NUP160: variants seen among roughly 807,000 people sequenced by gnomAD.
NUP160 encodes nuclear pore complex protein Nup160.
NUP160 carries 94 observed loss-of-function variants against 196.9 expected under a neutral mutation model. That is an observed-to-expected ratio of 0.48 (90% CI 0.40 to 0.57). The LOEUF is 0.57. Ranked by LOEUF, NUP160 falls within the 20% of genes least tolerant of loss-of-function variation. The probability of loss-of-function intolerance (pLI) is 0.00; values close to 1 mark genes in which losing one functional copy is unlikely to be tolerated. For synonymous variants in NUP160, 605 were observed against 619.7 expected (o/e 0.98, Z 0.35); for missense variants, 1,638 against 1,748.3 (o/e 0.94, Z 1.13).
rs1251204182 is a variant in NUP160, at chr11:47,782,304, ATAT to A, written c.4116+766_4116+768del. ...AAAACTCAGTTAAAAAAAAAAAAAA[ATAT>A]ATATATATATATATATATATATATA... On this transcript the variant is annotated intron_variant, in intron 34 of 35. Coordinates refer to ENST00000378460, the Ensembl canonical transcript of NUP160. 7.9e-4 allele frequency among the ~76,000 whole-genome samples: 41 copies of A among 52,122 alleles called. 1 individual carries two copies. Among genetic ancestry groups the A allele is most frequent in the African/African-American group, 1.3e-3 (17 of 13,592 alleles). The allele number at this position is 52,122 out of a possible 152,430, so 34.2% of individuals were successfully genotyped here.
At chr11:47,789,177 T>C (rs761330689) in intron 29 of NUP160, among the ~76,000 whole-genome samples, 3 of 152,152 alleles carry the variant, frequency 2.0e-5, no homozygotes, top group African/African-American at 7.2e-5. Context: ...GTGCCCAGCC[T>C]AAAAAATTTT....
At chr11:47,781,434 T>G (rs1260901084) in intron 34 of NUP160, among the ~76,000 whole-genome samples, 2 of 151,966 alleles carry the variant, frequency 1.3e-5, no homozygotes, top group Non-Finnish European at 2.9e-5. Flanking sequence ...AGCTAATTTT[T>G]TTCTATTTTT....
intron 33 of NUP160, 81 bp from the exon 34 acceptor site, chr11:47,783,279 T>A: frequency 6.7e-7 from 1 of 1,496,246 alleles, no homozygotes; most frequent in Non-Finnish European, 9.0e-7. Flanking sequence ...AGTGGCTGAT[T>A]CCCTAACATT....
intron 18 of NUP160, 28 bp from the exon 19 acceptor site, chr11:47,807,168 A>T: frequency 5.6e-6 from 8 of 1,416,958 alleles, no homozygotes; most frequent in Non-Finnish European, 8.0e-6. Flanking sequence ...AAGACAGCTT[A>T]GTAAATTCTC....
At chr11:47,797,931 G>A (rs2097671796) in intron 26 of NUP160, 47 bp from the exon 27 acceptor site, 2 of 1,554,432 alleles carry the variant, frequency 1.3e-6, no homozygotes, top group Admixed American at 1.7e-5. Flanking sequence ...AGCAATCATG[G>A]CAACCACCAT....
exon 30 of NUP160, chr11:47,788,529 C>T: frequency 6.2e-7 from 1 of 1,613,832 alleles, no homozygotes; most frequent in African/African-American, 1.3e-5. Flanking sequence ...ATGGATCATG[C>T]TGAGCCAAAG....
intron 20 of NUP160, among the ~76,000 whole-genome samples, chr11:47,805,461 T>TTTC (rs1444621846): frequency 1.3e-5 from 2 of 151,320 alleles, no homozygotes; most frequent in South Asian, 2.1e-4. Flanking sequence ...TTTTTTTTTT[T>TTTC]TGAGACGGAG....
intron 7 of NUP160, among the ~76,000 whole-genome samples, chr11:47,829,158 A>G (rs898381927): frequency 1.3e-5 from 2 of 148,228 alleles, no homozygotes; most frequent in African/African-American, 2.6e-5. Flanking sequence ...GTGAAAAGAC[A>G]GCTCACGTGG....
intron 7 of NUP160, among the ~76,000 whole-genome samples, chr11:47,824,039 A>ATG (rs1565203462): frequency 1.1e-3 from 140 of 128,124 alleles, no homozygotes; most frequent in African/African-American, 3.8e-3. Context: ...ATATATATAT[A>ATG]TATATATATA....
chr11:47,780,789 G>T (rs1325100848), intron 34 of NUP160, among the ~76,000 whole-genome samples: 5 of 151,824 alleles, frequency 3.3e-5, no homozygotes, highest in Non-Finnish European at 5.9e-5. Context: ...TGATCCACCT[G>T]CCTTGGCCTC....
exon 27 of NUP160, chr11:47,797,862 C>T (rs748714186): frequency 5.6e-6 from 9 of 1,611,988 alleles, no homozygotes; most frequent in African/African-American, 2.7e-5. Flanking sequence ...AGCTCTAGCA[C>T]GTGACTCAAT....
At chr11:47,803,351 A>G (rs2097675495) in intron 22 of NUP160, 87 bp downstream of exon 22, 1 of 782,916 alleles carries the variant, frequency 1.3e-6, no homozygotes, top group Admixed American at 1.9e-5. Flanking sequence ...TATGTCTCCC[A>G]TCCCCTAAAA....
At chr11:47,816,709 G>C (rs1023340150) in intron 11 of NUP160, among the ~76,000 whole-genome samples, 5 of 151,610 alleles carry the variant, frequency 3.3e-5, no homozygotes, top group African/African-American at 1.2e-4. Flanking sequence ...CCAGGAGGCA[G>C]AGGTTGCAGT....
rs201885703 is a variant in NUP160 at position 47,798,463 on chromosome 11, C to G, written c.2896G>C (p.Val966Leu). Residue 966 changes from valine to leucine, a missense_variant and splice_region_variant, in exon 24 of 36, where the codon GTT becomes CTT. This residue lies in a region of NUP160 where 1,345 missense variants were observed against 1,470.2 expected (regional missense o/e 0.91). Transcript: ENST00000378460. ...CCAATGACATCTAGTAGTCGTAAAA[C>G]CTAACGAGAAATAGAAGAAATTTCC... The G allele has an allele frequency of 1.0e-4, 159 of 1,531,876 alleles. No individual in the cohort carries two copies. Among genetic ancestry groups the G allele is most frequent in the Non-Finnish European group, 1.4e-4 (150 of 1,111,060 alleles). The allele number at this position is 1,531,876 out of a possible 1,614,324, so 94.9% of individuals were successfully genotyped here.
intron 10 of NUP160, among the ~76,000 whole-genome samples, chr11:47,818,532 A>G (rs184374363): frequency 4.1e-5 from 6 of 146,482 alleles, no homozygotes; most frequent in Admixed American, 2.8e-4. Flanking sequence ...AATAATAGGT[A>G]TTATATGCAA....
At chr11:47,783,767 C>T (rs1389499559) in intron 33 of NUP160, among the ~76,000 whole-genome samples, 1 of 151,970 alleles carries the variant, frequency 6.6e-6, no homozygotes, top group East Asian at 1.9e-4. Flanking sequence ...GCTCTGTCGC[C>T]CAGGCTTGGG....
intron 29 of NUP160, among the ~76,000 whole-genome samples, chr11:47,790,298 TG>T (rs1380902076): frequency 6.6e-6 from 1 of 151,956 alleles, no homozygotes; most frequent in Non-Finnish European, 1.5e-5. Context: ...TTGCTCTTGT[TG>T]CCCAGGCTGG....
At chr11:47,832,797 T>C (rs1852103199) in intron 7 of NUP160, among the ~76,000 whole-genome samples, 1 of 152,228 alleles carries the variant, frequency 6.6e-6, no homozygotes, top group Non-Finnish European at 1.5e-5. Context: ...AAATCAGCTG[T>C]ATGTATTGGG....
chr11:47,782,656 T>A (rs1021913668), intron 34 of NUP160, among the ~76,000 whole-genome samples: 5 of 151,556 alleles, frequency 3.3e-5, no homozygotes, highest in East Asian at 1.9e-4. Flanking sequence ...TTATTTATTA[T>A]TTATTTATTT....
Sources: gnomAD v4.1 joint callset for allele counts (sites outside exome capture counted in the v4.1 genomes callset) on GRCh38, gnomAD v4.1.1 for gene constraint, gnomAD v4.1.1 regional missense constraint, MANE v1.5 for transcripts, NCBI Gene and HGNC (gene_info 2026-07-23, HGNC 2026-07-21) for gene names.